Variants in SPATA13 observed in about 807,000 individuals in gnomAD.
SPATA13 encodes spermatogenesis associated 13, also known as spermatogenesis-associated protein 13.
In SPATA13, 50 loss-of-function variants were observed where a neutral mutation model predicts 104.0. The observed-to-expected ratio is 0.48, with a 90% CI of 0.38 to 0.61. The LOEUF is 0.61. Ranked by LOEUF, SPATA13 falls within the 20% of genes least tolerant of loss-of-function variation. SPATA13 has a pLI of 0.00. For synonymous variants in SPATA13, 606 were observed against 667.5 expected (o/e 0.91, Z 1.42); for missense variants, 1,524 against 1,690.6 (o/e 0.90, Z 1.73).
intron 1 of SPATA13, among the ~76,000 whole-genome samples, chr13:24,215,772 T>A (rs1326631561): frequency 6.6e-6 from 1 of 152,182 alleles, no homozygotes; most frequent in Non-Finnish European, 1.5e-5. Flanking sequence ...TTTGGGCCAG[T>A]CTGCCTCTGC....
intron 1 of SPATA13, among the ~76,000 whole-genome samples, chr13:24,186,029 A>G (rs967350687): frequency 6.6e-6 from 1 of 152,160 alleles, no homozygotes; most frequent in Non-Finnish European, 1.5e-5. Flanking sequence ...GCCCATCCAC[A>G]TCATCTGCCT....
chr13:24,045,186 C>G (rs1878095051), intron 3 of SPATA13, among the ~76,000 whole-genome samples: 1 of 152,102 alleles, frequency 6.6e-6, no homozygotes, highest in African/African-American at 2.4e-5. Context: ...AAATTTGTAC[C>G]TGAAAGATTG....
At chr13:24,241,812 G>T (rs1872848500) in intron 2 of SPATA13, among the ~76,000 whole-genome samples, 1 of 152,230 alleles carries the variant, frequency 6.6e-6, no homozygotes. Flanking sequence ...AGCACTTTGA[G>T]AGGCCGAGGC....
In SPATA13 at chr13:23,995,122, G is replaced by T. The variant is rs372318323; in HGVS notation, c.-147+11189G>T. On this transcript the variant is annotated intron_variant, in intron 2 of 14. Transcript: ENST00000424834. ...CACAATGTCCAAAAATGTCAGTAGT[G>T]CCAAGGTTCGGGAACCCTGACATCC... Among the ~76,000 whole-genome samples the T allele has an allele frequency of 1.7e-4, 26 of 152,240 alleles. No individual in the cohort carries two copies. The South Asian group carries it at 5.4e-3, about 32-fold the overall frequency.
rs148859731 is a variant in SPATA13, at chr13:24,008,567, G to GGA, written c.-146-9081_-146-9080dup. 2.2e-3 allele frequency among the ~76,000 whole-genome samples: 327 copies of GGA among 150,676 alleles called. 1 individual carries two copies. Among genetic ancestry groups the GGA allele is most frequent in the African/African-American group, 6.8e-3 (279 of 41,190 alleles). ...AGCAGGAGAGCAGGAGAAGGGGAGG[G>GGA]GAGAGAGAGAGAGAGAGAGATCAAG... is the stretch of plus-strand genomic sequence containing the variant. On this transcript the variant is annotated intron_variant, in intron 2 of 14. Transcript: ENST00000424834.
At chr13:24,180,761 A>AT (rs927314281) in intron 1 of SPATA13, among the ~76,000 whole-genome samples, 2 of 151,504 alleles carry the variant, frequency 1.3e-5, no homozygotes, top group African/African-American at 4.8e-5. Context: ...AGTTTTCATA[A>AT]TTTTTTTTTG....
At chr13:24,151,378 A>G (rs1276596458) in intron 3 of SPATA13, among the ~76,000 whole-genome samples, 1 of 152,224 alleles carries the variant, frequency 6.6e-6, no homozygotes, top group African/African-American at 2.4e-5. Context: ...AAATAATGAT[A>G]AACTCTCCCT....
At chr13:24,292,833 C>A (rs1876485538) in intron 9 of SPATA13, among the ~76,000 whole-genome samples, 1 of 151,628 alleles carries the variant, frequency 6.6e-6, no homozygotes, top group African/African-American at 2.4e-5. Context: ...CCCATCTCTA[C>A]TAAAATGCAA....
chr13:24,189,248 G>A (rs1216696196), intron 1 of SPATA13, among the ~76,000 whole-genome samples: 1 of 151,836 alleles, frequency 6.6e-6, no homozygotes. Context: ...GAGGCCGGTG[G>A]ATCACGACGT....
At chr13:24,200,522 C>A (rs1316002269) in intron 1 of SPATA13, among the ~76,000 whole-genome samples, 1 of 152,060 alleles carries the variant, frequency 6.6e-6, no homozygotes, top group Non-Finnish European at 1.5e-5. Flanking sequence ...AGTCTCCCAC[C>A]CAAGAGGTGA....
At chr13:24,084,492 A>C (rs904884596) in intron 3 of SPATA13, among the ~76,000 whole-genome samples, 2 of 151,670 alleles carry the variant, frequency 1.3e-5, no homozygotes, top group African/African-American at 4.9e-5. Context: ...TCTTAGCACC[A>C]CCTGGGTTTC....
chr13:24,141,377 G>C (rs1028889238), intron 3 of SPATA13, among the ~76,000 whole-genome samples: 2 of 152,106 alleles, frequency 1.3e-5, no homozygotes, highest in African/African-American at 4.8e-5. Flanking sequence ...AGGAATTCTA[G>C]TGAAGGTCAC....
At chr13:23,992,735 T>C (rs558023491) in intron 2 of SPATA13, among the ~76,000 whole-genome samples, 1 of 152,228 alleles carries the variant, frequency 6.6e-6, no homozygotes, top group South Asian at 2.1e-4. Flanking sequence ...AAGCCTAGGA[T>C]TCATTAGCTT....
intron 1 of SPATA13, among the ~76,000 whole-genome samples, chr13:24,177,812 C>T (rs760329734): frequency 2.6e-5 from 4 of 152,138 alleles, no homozygotes; most frequent in Non-Finnish European, 5.9e-5. Flanking sequence ...TAATCACCTT[C>T]TAAAGGCCCT....
At chr13:24,135,571 G>A (rs555102260) in intron 3 of SPATA13, among the ~76,000 whole-genome samples, 29 of 151,936 alleles carry the variant, frequency 1.9e-4, no homozygotes, top group African/African-American at 6.0e-4. Context: ...GGTGGCAGGC[G>A]CCTGTAGTCC....
In SPATA13 at chr13:24,103,525, GGAGA is replaced by G. The variant is rs377238152; in HGVS notation, c.-112+85839_-112+85842del. On this transcript the variant is annotated intron_variant, in intron 3 of 14. Transcript: ENST00000424834. The stretch of plus-strand genomic sequence containing the variant: ...AAACAAGAAAGAAAAGAGCAGGGGA[GGAGA>G]GAGAGAGAGAGAGAAGAGAGAGAGA... 9.6e-5 allele frequency among the ~76,000 whole-genome samples: 14 copies of G among 145,774 alleles called. No individual in the cohort carries two copies. In the East Asian group the frequency reaches 9.8e-4, roughly 10 times the overall value.
rs992583510 is a variant in SPATA13, at chr13:24,205,003, G to A, written c.-111-17816G>A. ...ATATCATACCTAATGGGTAAAAGCC[G>A]GAAGGATTCCCCTTGAAAACCGACA... On this transcript the variant is annotated intron_variant, in intron 1 of 12. Transcript: ENST00000382108. The surrounding 1 kb of genome is among the most constrained non-coding windows in gnomAD (Gnocchi z 4.1). 3.9e-5 allele frequency among the ~76,000 whole-genome samples: 6 copies of A among 152,120 alleles called. No individual in the cohort carries two copies. Among genetic ancestry groups the A allele is most frequent in the Non-Finnish European group, 5.9e-5 (4 of 68,034 alleles).
chr13:23,986,493 G>A (rs1257150291), intron 2 of SPATA13, among the ~76,000 whole-genome samples: 1 of 152,178 alleles, frequency 6.6e-6, no homozygotes, highest in East Asian at 1.9e-4. Context: ...AATGGAACAT[G>A]TCTTCTCTAA....
At chr13:24,004,086 A>T (rs1876108634) in intron 2 of SPATA13, among the ~76,000 whole-genome samples, 1 of 152,084 alleles carries the variant, frequency 6.6e-6, no homozygotes, top group African/African-American at 2.4e-5. Flanking sequence ...GTCTGTCCTC[A>T]AGGTCGTTCA....
Sources: allele counts gnomAD v4.1 joint callset (sites outside exome capture counted in the v4.1 genomes callset), GRCh38; gene constraint gnomAD v4.1.1; non-coding constraint Gnocchi (gnomAD v3.1); transcripts MANE v1.5; gene names NCBI Gene and HGNC (gene_info 2026-07-23, HGNC 2026-07-21).